NTM: variants seen among roughly 807,000 people sequenced by gnomAD.
The protein encoded by NTM is neurotrimin, also known as IgLON family member 2.
In NTM, 13 loss-of-function variants were observed where a neutral mutation model predicts 42.1. The ratio of observed to expected loss-of-function variants is 0.31; its 90% CI spans 0.20 to 0.49. The LOEUF (loss-of-function observed/expected upper bound fraction) is 0.49, where lower values mean the gene tolerates loss of function less well. Ranked by LOEUF, NTM falls within the 20% of genes least tolerant of loss-of-function variation. The pLI is 0.99. For synonymous variants in NTM, 187 were observed against 179.2 expected, an observed-to-expected ratio of 1.04 and a Z score of -0.35; for missense variants, 373 against 452.8, an observed-to-expected ratio of 0.82 and a Z score of 1.60.
At chr11:131,642,541 G>C (rs1221681099) in intron 1 of NTM, among the ~76,000 whole-genome samples, 1 of 152,200 alleles carries the variant, frequency 6.6e-6, no homozygotes, top group East Asian at 1.9e-4. Flanking sequence ...GGGCTGATTA[G>C]TTGTTGCCAT....
At chr11:131,596,025 G>C (rs555555711) in intron 1 of NTM, among the ~76,000 whole-genome samples, 1 of 152,342 alleles carries the variant, frequency 6.6e-6, no homozygotes, top group South Asian at 2.1e-4. Flanking sequence ...AATGCCCTGA[G>C]TCCTCATCAA....
chr11:131,829,501 G>T (rs2042545323), intron 1 of NTM, among the ~76,000 whole-genome samples: 1 of 152,064 alleles, frequency 6.6e-6, no homozygotes, highest in South Asian at 2.1e-4. Flanking sequence ...CATACATATT[G>T]CTGCAAAGGA....
rs180803456 is a variant in NTM, at chr11:132,159,875, A to G, written c.400+13361A>G. On this transcript the variant is annotated intron_variant, in intron 3 of 8. Coordinates refer to ENST00000683400, the MANE Select transcript of NTM (RefSeq NM_001352005.2). ...TCAAATTGGGAACATTTCTTACATC[A>G]AATCCTAAATGAGGTTCATGCTGAT... is the stretch of plus-strand genomic sequence containing the variant. Among the ~76,000 whole-genome samples the G allele has an allele frequency of 6.6e-5, 10 of 152,310 alleles. No individual in the cohort carries two copies. The East Asian group carries it at 1.7e-3, about 26-fold the overall frequency.
At chr11:131,439,219 G>A (rs527449486) in intron 1 of NTM, among the ~76,000 whole-genome samples, 41 of 152,202 alleles carry the variant, frequency 2.7e-4, no homozygotes, top group African/African-American at 7.2e-4. Flanking sequence ...GGTGTCAGTC[G>A]GCCCCTACTG....
At position 131,377,654 on chromosome 11, in the gene NTM, G is replaced by A. The variant is rs1055201366; in HGVS notation, c.82+6766G>A. 3.9e-4 allele frequency among the ~76,000 whole-genome samples: 59 copies of A among 152,276 alleles called. 1 individual carries two copies. The highest frequency in any genetic ancestry group is 1.3e-3 in the African/African-American group (53 of 41,560). ...AAAAGGAATTTCTTTGTTTTCTTCT[G>A]ATGGAATACAGTGTTTTGGGCGTCA... On this transcript the variant is annotated intron_variant, in intron 1 of 8. Transcript: ENST00000683400.
At chr11:132,150,585 C>CT (rs2071676459) in intron 3 of NTM, among the ~76,000 whole-genome samples, 1 of 152,074 alleles carries the variant, frequency 6.6e-6, no homozygotes, top group Admixed American at 6.5e-5. Context: ...AGATGGTGCT[C>CT]TTTTAAAAAC....
chr11:131,688,209 C>G (rs894020943), intron 1 of NTM, among the ~76,000 whole-genome samples: 33 of 152,172 alleles, frequency 2.2e-4, no homozygotes, highest in African/African-American at 8.0e-4. Context: ...CTGCCTCCAC[C>G]GAGCTGGAGA....
intron 2 of NTM, among the ~76,000 whole-genome samples, chr11:131,975,930 C>T (rs1432881761): frequency 6.6e-6 from 1 of 152,136 alleles, no homozygotes; most frequent in African/African-American, 2.4e-5. Context: ...TAACTCAACT[C>T]TGGAGTCTGT....
chr11:131,566,432 CGTGTGTGTGTGTGTGTGTCTGTGTGT>C (rs1227215877), intron 1 of NTM, among the ~76,000 whole-genome samples: 2 of 150,946 alleles, frequency 1.3e-5, no homozygotes, highest in Admixed American at 6.6e-5. Context: ...TCTCGATGTG[CGTGTGTGTGTGTGTGTGTCTGTGTGT>C]GTGTGCACGT....
At chr11:131,379,678 A>T (rs1025056705) in intron 1 of NTM, among the ~76,000 whole-genome samples, 2 of 152,222 alleles carry the variant, frequency 1.3e-5, no homozygotes, top group Non-Finnish European at 2.9e-5. Flanking sequence ...ACCTAATTCT[A>T]CTACCCACAG....
intron 2 of NTM, among the ~76,000 whole-genome samples, chr11:131,926,992 G>A (rs767682663): frequency 2.0e-5 from 3 of 152,126 alleles, no homozygotes; most frequent in Non-Finnish European, 4.4e-5. Flanking sequence ...GGCATTTTAC[G>A]ATCATGTATG....
At chr11:131,387,963 G>T (rs1418682384) in intron 1 of NTM, among the ~76,000 whole-genome samples, 4 of 152,216 alleles carry the variant, frequency 2.6e-5, no homozygotes, top group African/African-American at 9.6e-5. Flanking sequence ...TCCAAGCGTG[G>T]TCTCCAAATC....
chr11:131,747,178 A>G (rs1265754324), intron 1 of NTM, among the ~76,000 whole-genome samples: 1 of 152,188 alleles, frequency 6.6e-6, no homozygotes, highest in Non-Finnish European at 1.5e-5. Context: ...GCTTCTCACT[A>G]CTACAATCTA....
At chr11:131,691,458 G>GGGCGTGGGCA (rs1301970318) in intron 1 of NTM, among the ~76,000 whole-genome samples, 1 of 152,234 alleles carries the variant, frequency 6.6e-6, no homozygotes, top group Non-Finnish European at 1.5e-5. Flanking sequence ...GAGAGCCGCG[G>GGGCGTGGGCA]GGCGTGGGCA....
At chr11:132,057,103 C>T (rs1037191907) in intron 2 of NTM, among the ~76,000 whole-genome samples, 1 of 152,164 alleles carries the variant, frequency 6.6e-6, no homozygotes, top group African/African-American at 2.4e-5. Flanking sequence ...AGATGGAAAT[C>T]ATTTGGCGTG....
At chr11:131,835,597 G>A (rs2043385252) in intron 1 of NTM, among the ~76,000 whole-genome samples, 2 of 151,972 alleles carry the variant, frequency 1.3e-5, no homozygotes, top group African/African-American at 4.8e-5. Context: ...ACTAAGTGCT[G>A]GTGAAGATGT....
At chr11:132,181,843 C>A (rs35089351) in intron 3 of NTM, among the ~76,000 whole-genome samples, 31,297 of 151,776 alleles carry the variant, frequency 0.21, 3,359 homozygotes, top group African/African-American at 0.26. Context: ...ATTCCTTGAC[C>A]AGAGCATCCA....
At chr11:131,512,358 A>G (rs1565584550) in intron 1 of NTM, among the ~76,000 whole-genome samples, 3 of 152,206 alleles carry the variant, frequency 2.0e-5, no homozygotes, top group Non-Finnish European at 4.4e-5. Context: ...GCCTCAGTAG[A>G]CCACGTCTGC....
chr11:131,965,972 G>C (rs1001071453), intron 2 of NTM, among the ~76,000 whole-genome samples: 4 of 150,246 alleles, frequency 2.7e-5, no homozygotes, highest in African/African-American at 9.8e-5. Context: ...GGAGGGAAGG[G>C]GGAAGGAAAG....
Sources: allele counts gnomAD v4.1 joint callset (sites outside exome capture counted in the v4.1 genomes callset), GRCh38; gene constraint gnomAD v4.1.1; transcripts MANE v1.5; gene names NCBI Gene and HGNC (gene_info 2026-07-23, HGNC 2026-07-21).